Variants in KCNC2 observed in about 807,000 individuals in gnomAD.
The protein encoded by KCNC2 is potassium voltage-gated channel subfamily C member 2.
In KCNC2, 21 loss-of-function variants were observed where a neutral mutation model predicts 44.5. That is an observed-to-expected ratio of 0.47 (90% CI 0.33 to 0.68). The LOEUF (loss-of-function observed/expected upper bound fraction) is 0.68, where lower values mean the gene tolerates loss of function less well. KCNC2 is among the 30% of genes least tolerant of loss of function. The pLI is 0.01. For synonymous variants in KCNC2, 391 were observed against 339.1 expected (o/e 1.15, Z -1.68); for missense variants, 589 against 826.2 (o/e 0.71, Z 3.52).
intron 2 of KCNC2, chr12:75,124,730 C>T (rs1010481104): frequency 2.0e-5 from 3 of 152,044 alleles, no homozygotes; most frequent in African/African-American, 7.2e-5. Flanking sequence ...TATAATCTTC[C>T]CACCAAAATT....
rs139791359 is a variant in KCNC2 at position 75,087,252 on chromosome 12, T to C, written c.688-35935A>G. 2.6e-5 allele frequency among the ~76,000 whole-genome samples: 4 copies of C among 152,214 alleles called. No individual in the cohort carries two copies. In the East Asian group the frequency reaches 7.7e-4, roughly 29 times the overall value. ...GGATATGGGGTATGATGTGAATTTG[T>C]TAGGGCCTCAGAACTCATTGAAAGC... On this transcript the variant is annotated intron_variant, in intron 2 of 4. Transcript: ENST00000549446.
intron 2 of KCNC2, among the ~76,000 whole-genome samples, chr12:75,074,897 C>T (rs1385701133): frequency 6.6e-6 from 1 of 152,094 alleles, no homozygotes; most frequent in African/African-American, 2.4e-5. Flanking sequence ...CAGAAAGAGG[C>T]TTATCTAACT....
chr12:75,133,286 A>C (rs1322601434), intron 2 of KCNC2, among the ~76,000 whole-genome samples: 2 of 151,998 alleles, frequency 1.3e-5, no homozygotes, highest in Non-Finnish European at 2.9e-5. Context: ...AAGATTTGGA[A>C]TATCCTCAAC....
chr12:75,076,075 A>G (rs1883939903), intron 2 of KCNC2, among the ~76,000 whole-genome samples: 1 of 146,892 alleles, frequency 6.8e-6, no homozygotes, highest in Non-Finnish European at 1.5e-5. Flanking sequence ...ACACACACAC[A>G]CACACGCTTA....
At chr12:75,169,613 TA>T (rs1891680681) in intron 2 of KCNC2, among the ~76,000 whole-genome samples, 1 of 151,664 alleles carries the variant, frequency 6.6e-6, no homozygotes, top group African/African-American at 2.4e-5. Flanking sequence ...TATTCTATTT[TA>T]AAACAAAGTA....
intron 2 of KCNC2, among the ~76,000 whole-genome samples, chr12:75,137,549 T>C (rs1394330297): frequency 6.6e-6 from 1 of 152,054 alleles, no homozygotes; most frequent in Non-Finnish European, 1.5e-5. Flanking sequence ...ATCACATCCA[T>C]TAAAAACAGC....
intron 2 of KCNC2, among the ~76,000 whole-genome samples, chr12:75,204,114 C>G (rs1026869915): frequency 4.0e-5 from 6 of 151,844 alleles, no homozygotes; most frequent in Non-Finnish European, 2.9e-5. Flanking sequence ...ATCTCGTTTT[C>G]TCCACAACAG....
intron 2 of KCNC2, among the ~76,000 whole-genome samples, chr12:75,186,335 A>G (rs1434079648): frequency 6.6e-6 from 1 of 152,086 alleles, no homozygotes; most frequent in Non-Finnish European, 1.5e-5. Context: ...AGCATGCACA[A>G]ACTCAAGGCA....
At chr12:75,137,862 C>A (rs1223507041) in intron 2 of KCNC2, among the ~76,000 whole-genome samples, 1 of 152,180 alleles carries the variant, frequency 6.6e-6, no homozygotes, top group East Asian at 1.9e-4. Context: ...AACCTTGATA[C>A]AAAAGAAGTG....
intron 2 of KCNC2, among the ~76,000 whole-genome samples, chr12:75,135,816 A>G (rs1889186830): frequency 6.6e-6 from 1 of 152,014 alleles, no homozygotes; most frequent in South Asian, 2.1e-4. Context: ...ATAAGTCAAT[A>G]TTTCTAATCT....
chr12:75,110,377 A>G (rs1013156450), intron 2 of KCNC2, among the ~76,000 whole-genome samples: 3 of 152,206 alleles, frequency 2.0e-5, no homozygotes, highest in Non-Finnish European at 4.4e-5. Context: ...AGAAGCTAAT[A>G]TTGACAGAAC....
intron 2 of KCNC2, among the ~76,000 whole-genome samples, chr12:75,153,869 G>A (rs1298008721): frequency 6.6e-6 from 1 of 151,874 alleles, no homozygotes; most frequent in Non-Finnish European, 1.5e-5. Flanking sequence ...TTCACATTGA[G>A]TAGGCTGAGG....
At chr12:75,172,301 A>AT (rs1891882127) in intron 2 of KCNC2, among the ~76,000 whole-genome samples, 1 of 151,850 alleles carries the variant, frequency 6.6e-6, no homozygotes, top group Middle Eastern at 3.2e-3. Context: ...ATGGCGGGGA[A>AT]GGACACTCAC....
At chr12:75,103,855 G>T (rs1233133864) in intron 2 of KCNC2, among the ~76,000 whole-genome samples, 1 of 152,138 alleles carries the variant, frequency 6.6e-6, no homozygotes, top group Non-Finnish European at 1.5e-5. Flanking sequence ...TGTAATAAAA[G>T]CTATGTGAAA....
chr12:75,066,675 T>C (rs1017933203), intron 2 of KCNC2, among the ~76,000 whole-genome samples: 7 of 152,190 alleles, frequency 4.6e-5, no homozygotes, highest in Non-Finnish European at 8.8e-5. Flanking sequence ...AGAGATCCAA[T>C]ACACTTTTAG....
At chr12:75,132,157 C>T (rs951860203) in intron 2 of KCNC2, among the ~76,000 whole-genome samples, 1 of 152,074 alleles carries the variant, frequency 6.6e-6, no homozygotes. Flanking sequence ...ATATACCCCT[C>T]ATAGCCTTTT....
chr12:75,132,787 T>C (rs1335087599), intron 2 of KCNC2, among the ~76,000 whole-genome samples: 1 of 152,134 alleles, frequency 6.6e-6, no homozygotes, highest in Admixed American at 6.6e-5. Context: ...TGTCTTAAAA[T>C]TGATTGATTA....
chr12:75,202,793 G>A, intron 2 of KCNC2, among the ~76,000 whole-genome samples: 1 of 89,412 alleles, frequency 1.1e-5, no homozygotes, highest in Non-Finnish European at 2.0e-5. Context: ...ATTCCTATGT[G>A]AGTTTTTTTT....
intron 2 of KCNC2, among the ~76,000 whole-genome samples, chr12:75,092,740 A>G (rs1210459509): frequency 6.6e-6 from 1 of 151,638 alleles, no homozygotes; most frequent in Non-Finnish European, 1.5e-5. Context: ...TCTTTTCCCA[A>G]CCTCTTCATA....
Sources: gnomAD v4.1 joint callset for allele counts (sites outside exome capture counted in the v4.1 genomes callset) on GRCh38, gnomAD v4.1.1 for gene constraint, MANE v1.5 for transcripts, NCBI Gene and HGNC (gene_info 2026-07-23, HGNC 2026-07-21) for gene names.